The following MAD2L2 variants were observed in gnomAD, a reference collection of about 807,000 sequenced individuals.
MAD2L2 encodes mitotic arrest deficient 2 like 2, also known as mitotic spindle assembly checkpoint protein MAD2B.
A neutral mutation model predicts 30.5 loss-of-function variants in MAD2L2; 17 were observed. That is an observed-to-expected ratio of 0.56 (90% CI 0.38 to 0.84). The LOEUF is 0.84. Among genes scored for constraint, MAD2L2 ranks in the 40% least tolerant of loss-of-function variants. MAD2L2 has a pLI of 0.00. For synonymous variants in MAD2L2, 101 were observed against 113.9 expected (o/e 0.89, Z 0.72); for missense variants, 213 against 277.4 (o/e 0.77, Z 1.65).
At chr1:11,686,034 T>C (rs1640950249), upstream of MAD2L2, among the ~76,000 whole-genome samples, 1 of 152,032 alleles carries the variant, frequency 6.6e-6, no homozygotes, top group South Asian at 2.1e-4. Context: ...GATATTAAGG[T>C]CTATATACAC....
At chr1:11,682,921 A>G (rs1640900887), upstream of MAD2L2, among the ~76,000 whole-genome samples, 1 of 152,174 alleles carries the variant, frequency 6.6e-6, no homozygotes, top group Non-Finnish European at 1.5e-5. Flanking sequence ...CCATTTCCAC[A>G]CAGAGCTGGC....
At chr1:11,677,201 TG>T in intron 4 of MAD2L2, 1 of 605,670 alleles carries the variant, frequency 1.7e-6, no homozygotes, top group Non-Finnish European at 2.9e-6. Flanking sequence ...CAGGACTAGA[TG>T]GGGAAGAAAC....
In MAD2L2 at chr1:11,674,853, C is replaced by T; in HGVS notation, c.595-37G>A. On this transcript the variant is annotated intron_variant, in intron 8 of 8. Coordinates refer to ENST00000376692, the MANE Select transcript of MAD2L2 (RefSeq NM_006341.4). This position sits in a 1 kb window ranked among gnomAD's most constrained non-coding sequence, Gnocchi z 6.1. ...AAGCAAACAGCCACAGTCAGCAAGA[C>T]AGCCAGGGCATCCCTGCTGGAGGAC... 3 of 1,611,450 alleles carry T rather than the reference C, an allele frequency of 1.9e-6. No homozygotes were observed. Among genetic ancestry groups the T allele is most frequent in the East Asian group, 4.5e-5 (2 of 44,864 alleles).
chr1:11,683,846 C>G (rs1191876688), upstream of MAD2L2, among the ~76,000 whole-genome samples: 10 of 152,136 alleles, frequency 6.6e-5, no homozygotes, highest in Non-Finnish European at 1.2e-4. Context: ...TGGCGCATGC[C>G]TGTAATCCCA....
intron 3 of MAD2L2, among the ~76,000 whole-genome samples, chr1:11,679,691 T>C (rs1008825193): frequency 1.3e-5 from 2 of 152,062 alleles, no homozygotes; most frequent in African/African-American, 4.8e-5. Flanking sequence ...CACACCAGGC[T>C]AATTTTTGTA....
chr1:11,681,945 T>G (rs1009848237), upstream of MAD2L2: 4 of 152,208 alleles, frequency 2.6e-5, no homozygotes, highest in Non-Finnish European at 5.9e-5. Context: ...CACTACATTT[T>G]ACTGCTCCCA....
At position 11,688,520 on chromosome 1, in the gene MAD2L2, C is replaced by G. The variant is rs886395105; in HGVS notation, c.-692+2893G>C. Among the ~76,000 whole-genome samples the G allele has an allele frequency of 6.6e-6, 1 of 151,868 alleles. No homozygotes were observed. The highest frequency in any genetic ancestry group is 1.5e-5 in the Non-Finnish European group (1 of 67,992). On this transcript the variant is annotated intron_variant, in intron 1 of 10. Coordinates refer to the MAD2L2 transcript ENST00000235310. This position sits in a 1 kb window ranked among gnomAD's most constrained non-coding sequence, Gnocchi z 4.6. ...AGGTTGCAGTGAGCCAAGATCGCGC[C>G]ACTGCACTCCAGCCTGGACAACAGA... is the stretch of plus-strand genomic sequence containing the variant.
At chr1:11,680,532 C>A (rs373900313) in intron 2 of MAD2L2, 30 bp downstream of exon 2, 8 of 1,608,670 alleles carry the variant, frequency 5.0e-6, no homozygotes, top group Non-Finnish European at 6.8e-6. Context: ...GACGCCCCCG[C>A]CCCCGGGCCC....
chr1:11,677,506 T>C (rs766352428), intron 4 of MAD2L2, 37 bp downstream of exon 4: 21 of 1,594,160 alleles, frequency 1.3e-5, no homozygotes, highest in Middle Eastern at 1.7e-4. Flanking sequence ...GGGGTGAGCA[T>C]GGGGTGAGAT....
intron 3 of MAD2L2, among the ~76,000 whole-genome samples, chr1:11,678,224 G>A (rs1050927912): frequency 5.9e-5 from 9 of 152,036 alleles, no homozygotes; most frequent in Admixed American, 3.3e-4. Flanking sequence ...AGACCAGCCT[G>A]GCCAAAATGG....
chr1:11,684,190 G>T (rs1217884906), upstream of MAD2L2, among the ~76,000 whole-genome samples: 1 of 152,076 alleles, frequency 6.6e-6, no homozygotes, highest in African/African-American at 2.4e-5. Flanking sequence ...AGGGGCAGGG[G>T]GCCGAGTCAG....
chr1:11,685,084 C>T (rs1391000870), upstream of MAD2L2, among the ~76,000 whole-genome samples: 1 of 152,052 alleles, frequency 6.6e-6, no homozygotes, highest in Non-Finnish European at 1.5e-5. Flanking sequence ...TGCACCACCA[C>T]ACCTGGCTGA....
chr1:11,680,765 A>AC, intron 1 of MAD2L2, 152 bp from the exon 2 acceptor site: 3 of 1,336,824 alleles, frequency 2.2e-6, no homozygotes, highest in Non-Finnish European at 2.9e-6. Flanking sequence ...AAGAACCTCC[A>AC]CCCCCACGCT....
upstream of MAD2L2, chr1:11,681,930 C>T (rs1640887505): frequency 6.6e-6 from 1 of 152,194 alleles, no homozygotes; most frequent in African/African-American, 2.4e-5. Flanking sequence ...CGAGGTGCCT[C>T]CTGCCACTAC....
intron 3 of MAD2L2, 42 bp downstream of exon 3, chr1:11,680,311 G>A (rs1640848671): frequency 6.5e-7 from 1 of 1,531,552 alleles, no homozygotes; most frequent in Admixed American, 1.8e-5. Context: ...ATTTTTAAAA[G>A]TCCACCCTGT....
chr1:11,675,404 G>A (rs999090045), intron 7 of MAD2L2, among the ~76,000 whole-genome samples: 6 of 152,178 alleles, frequency 3.9e-5, no homozygotes, highest in African/African-American at 1.4e-4. Flanking sequence ...GGTGGGCTAG[G>A]ACCCCTCCCT....
chr1:11,689,864 C>T (rs1208613964), intron 1 of MAD2L2, among the ~76,000 whole-genome samples: 1 of 151,982 alleles, frequency 6.6e-6, no homozygotes, highest in East Asian at 1.9e-4. Context: ...GGTCCTATCC[C>T]AGCTCCCTGT....
At chr1:11,677,098 A>G in intron 4 of MAD2L2, 150 bp from the exon 5 acceptor site, 1 of 683,016 alleles carries the variant, frequency 1.5e-6, no homozygotes, top group Non-Finnish European at 2.6e-6. Flanking sequence ...GAGGCCAGAT[A>G]GCGAGTTTGA....
In MAD2L2 at chr1:11,688,965, A is replaced by C. The variant is rs1453016874; in HGVS notation, c.-692+2448T>G. 6.6e-6 allele frequency among the ~76,000 whole-genome samples: 1 copy of C among 152,198 alleles called. No individual in the cohort carries two copies. Among genetic ancestry groups the C allele is most frequent in the Non-Finnish European group, 1.5e-5 (1 of 68,038 alleles). On this transcript the variant is annotated intron_variant, in intron 1 of 10. Transcript: ENST00000235310. The surrounding 1 kb of genome is among the most constrained non-coding windows in gnomAD (Gnocchi z 4.6). ...AGTGCCATGGCAGTTTACAAATGCC[A>C]TGGCAACATCAGGACGTTACCCTAT... is the stretch of plus-strand genomic sequence containing the variant.
Sources: gnomAD v4.1 joint callset for allele counts (sites outside exome capture counted in the v4.1 genomes callset) on GRCh38, gnomAD v4.1.1 for gene constraint, Gnocchi (gnomAD v3.1) non-coding constraint, MANE v1.5 for transcripts, NCBI Gene and HGNC (gene_info 2026-07-23, HGNC 2026-07-21) for gene names.